The following EML6 variants were observed in gnomAD, a reference collection of about 807,000 sequenced individuals.
The protein encoded by EML6 is EMAP like 6.
In EML6, 154 loss-of-function variants were observed where a neutral mutation model predicts 240.1. That is an observed-to-expected ratio of 0.64 (90% confidence interval 0.56 to 0.73). The LOEUF (loss-of-function observed/expected upper bound fraction) is 0.73. EML6 is among the 30% of genes least tolerant of loss of function. EML6 has a pLI of 0.00. For missense variants in EML6, 2,964 were observed against 2,474.6 expected, an observed-to-expected ratio of 1.20 and a Z score of -4.20; for synonymous variants, 1,148 against 899.0, an observed-to-expected ratio of 1.28 and a Z score of -4.95.
intron 40 of EML6, among the ~76,000 whole-genome samples, 174 bp downstream of exon 40, chr2:54,968,455 G>T (rs902207998): frequency 1.3e-5 from 2 of 152,190 alleles, no homozygotes; most frequent in African/African-American, 2.4e-5. Flanking sequence ...AAGCCAGAAG[G>T]GAGGATGGAG....
chr2:54,880,804 T>C (rs961880851), intron 17 of EML6: 2 of 152,206 alleles, frequency 1.3e-5, no homozygotes, highest in African/African-American at 4.8e-5. Context: ...TCTGATAATA[T>C]ACCATCTGCC....
chr2:54,961,184 GTTTTTTTTTT>G (rs575621987), intron 35 of EML6, among the ~76,000 whole-genome samples: 1 of 55,424 alleles, frequency 1.8e-5, no homozygotes, highest in Non-Finnish European at 3.2e-5. Flanking sequence ...TCAGGAAGTA[GTTTTTTTTTT>G]TTTTTTTTTG....
chr2:54,823,860 CTCTCTCTCTCTCTCTCTTTCTG>C (rs1343229811), intron 5 of EML6, among the ~76,000 whole-genome samples: 2 of 147,148 alleles, frequency 1.4e-5, no homozygotes, highest in African/African-American at 2.6e-5. Context: ...TTCTCTCTCT[CTCTCTCTCTCTCTCTCTTTCTG>C]TCTCTCTCTC....
intron 41 of EML6, among the ~76,000 whole-genome samples, chr2:54,969,120 G>A (rs1265382844): frequency 2.6e-5 from 4 of 152,066 alleles, no homozygotes; most frequent in Admixed American, 2.6e-4. Flanking sequence ...ATAATCAGGA[G>A]GTTAGAATGC....
chr2:54,829,315 T>C (rs1188901618), intron 6 of EML6, 27 bp from the exon 7 acceptor site: 36 of 1,547,974 alleles, frequency 2.3e-5, no homozygotes, highest in Non-Finnish European at 3.1e-5. Flanking sequence ...GGTTGCACCA[T>C]TGAGTATTAC....
At chr2:54,919,240 CT>C (rs1439398015) in intron 26 of EML6, among the ~76,000 whole-genome samples, 25 of 115,420 alleles carry the variant, frequency 2.2e-4, no homozygotes, top group African/African-American at 5.5e-4. Flanking sequence ...CTCTATTTTG[CT>C]TCCCCCCCCC....
intron 2 of EML6, among the ~76,000 whole-genome samples, chr2:54,808,075 G>A (rs1419521279): frequency 6.6e-6 from 1 of 152,188 alleles, no homozygotes; most frequent in Admixed American, 6.5e-5. Context: ...GTTCTGTGGG[G>A]TTCACACAAT....
In EML6 at chr2:54,871,486, T is replaced by TTC; in HGVS notation, c.2239-12_2239-11dup. ...ACGTGTTAGTAGTTAATAACAGTCA[T>TTC]TCTGTTATTTAAGGTTGGAAGAGAT... On this transcript the variant is annotated splice_polypyrimidine_tract_variant and intron_variant, in intron 15 of 41. Transcript: ENST00000356458. 6.6e-7 allele frequency: 1 copy of TTC among 1,505,686 alleles called. No individual in the cohort carries two copies. Among genetic ancestry groups the TTC allele is most frequent in the Non-Finnish European group, 9.1e-7 (1 of 1,104,760 alleles). The allele number at this position is 1,505,686 out of a possible 1,614,324, so 93.3% of individuals were successfully genotyped here. A position where few individuals can be genotyped will look rare whatever the true frequency, so the allele number is the denominator to read the frequency against.
Position 54,964,630 on chromosome 2 carries a change from A to T in EML6, c.5390A>T (p.Tyr1797Phe). 2 of 1,552,404 alleles carry T rather than the reference A, an allele frequency of 1.3e-6. No homozygotes were observed. Among genetic ancestry groups the T allele is most frequent in the Non-Finnish European group, 8.7e-7 (1 of 1,147,122 alleles). The change falls in exon 38 of 42, where the codon TAT becomes TTT. Residue 1797 changes from tyrosine (Y) to phenylalanine (F), a missense_variant. By Grantham distance (22) the Tyr-to-Phe change is conservative. Transcript: ENST00000356458. ...TCTTCTGAACACACAGTTGACTTCT[A>T]TGACCTCACTCAGGGCACAAATCTG... The part of the protein sequence containing the change: ...VGSSEHTVDF[Y>F]DLTQGTNLNR...
intron 11 of EML6, among the ~76,000 whole-genome samples, chr2:54,855,293 C>T (rs938380102): frequency 1.7e-4 from 26 of 152,006 alleles, no homozygotes; most frequent in Admixed American, 4.6e-4. Context: ...GGAGAAGGTA[C>T]GTCACAAAGC....
rs570366330 is a variant in EML6, at chr2:54,879,541, A to G, written c.2345-6A>G. 4 of 1,546,072 alleles carry G rather than the reference A, an allele frequency of 2.6e-6. No individual in the cohort carries two copies. The highest frequency in any genetic ancestry group is 2.4e-5 in the East Asian group (1 of 40,868). On this transcript the variant is annotated splice_region_variant and splice_polypyrimidine_tract_variant and intron_variant, in intron 16 of 41. Transcript: ENST00000356458. ...AAATTTTGACATTTGTGTTGTTTTC[A>G]TACAGCCGATGGAAAATGTCTGGTG...
chr2:54,961,184 G>GTTGGTTTTTTTTTTTTTTTTTTTTTT, intron 35 of EML6, among the ~76,000 whole-genome samples: 11 of 55,416 alleles, frequency 2.0e-4, no homozygotes, highest in East Asian at 6.4e-4. Flanking sequence ...TCAGGAAGTA[G>GTTGGTTTTTTTTTTTTTTTTTTTTTT]TTTTTTTTTT....
intron 11 of EML6, among the ~76,000 whole-genome samples, chr2:54,858,157 A>G (rs576268238): frequency 1.1e-4 from 17 of 152,342 alleles, no homozygotes; most frequent in African/African-American, 3.6e-4. Context: ...TGGCTCACTC[A>G]TGTGGCTCTT....
chr2:54,895,186 C>G lies in EML6; in HGVS notation c.2855-87C>G, dbSNP rs543338304. 6 of 1,437,618 alleles carry G rather than the reference C, an allele frequency of 4.2e-6. No individual in the cohort carries two copies. The East Asian group carries it at 9.9e-5, about 24-fold the overall frequency. 89.1% of individuals were successfully genotyped at this position (1,437,618 alleles called of 1,614,324 possible). On this transcript the variant is annotated intron_variant, in intron 20 of 41. Transcript: ENST00000356458. ...AATGTCAAGGCTGACTGCCTAGTACCTAGTTCTTTGGAGCTATAAAAATTG... is the reference window on the plus strand; with the variant it reads ...AATGTCAAGGCTGACTGCCTAGTACGTAGTTCTTTGGAGCTATAAAAATTG...
intron 25 of EML6, among the ~76,000 whole-genome samples, chr2:54,912,218 G>A (rs889546718): frequency 2.0e-4 from 30 of 152,070 alleles, no homozygotes; most frequent in African/African-American, 6.8e-4. Context: ...TGTATTAATG[G>A]AAACTGTTCA....
intron 39 of EML6, 51 bp from the exon 40 acceptor site, chr2:54,968,077 A>G: frequency 2.0e-6 from 3 of 1,526,304 alleles, no homozygotes; most frequent in Non-Finnish European, 2.7e-6. Flanking sequence ...GACTGCAAGG[A>G]GCCTTCGCCG....
At chr2:54,834,183 G>A (rs1669015569) in intron 7 of EML6, among the ~76,000 whole-genome samples, 1 of 152,154 alleles carries the variant, frequency 6.6e-6, no homozygotes. Flanking sequence ...TCACTTCATG[G>A]ATGGTACAAT....
At chr2:54,925,813 C>T (rs778030321) in intron 26 of EML6, among the ~76,000 whole-genome samples, 2 of 152,150 alleles carry the variant, frequency 1.3e-5, no homozygotes, top group African/African-American at 2.4e-5. Context: ...CAGATTGCTT[C>T]CCATAGCCTC....
chr2:54,843,542 G>T (rs1391742501), intron 7 of EML6, among the ~76,000 whole-genome samples: 1 of 152,112 alleles, frequency 6.6e-6, no homozygotes, highest in Non-Finnish European at 1.5e-5. Context: ...TCCAGCGCTT[G>T]TAAGAAAATA....
Sources: gnomAD v4.1 joint callset for allele counts (sites outside exome capture counted in the v4.1 genomes callset) on GRCh38, gnomAD v4.1.1 for gene constraint, MANE v1.5 for transcripts, NCBI Gene and HGNC (gene_info 2026-07-23, HGNC 2026-07-21) for gene names.